The following NOX4 variants were observed in gnomAD, a reference collection of about 807,000 sequenced individuals.
NOX4 encodes the protein NADPH oxidase 4.
NOX4 carries 69 observed loss-of-function variants against 87.6 expected under a neutral mutation model. That is an observed-to-expected ratio of 0.79 (90% CI 0.65 to 0.96). The LOEUF (loss-of-function observed/expected upper bound fraction) is 0.96. Ranked by LOEUF, NOX4 falls within the 40% of genes least tolerant of loss-of-function variation. The pLI is 0.00. For synonymous variants in NOX4, 275 were observed against 238.2 expected (o/e 1.15, Z -1.42); for missense variants, 680 against 681.5 (o/e 1.00, Z 0.02).
At chr11:89,398,231 A>G (rs1183222103) in intron 11 of NOX4, among the ~76,000 whole-genome samples, 2 of 152,150 alleles carry the variant, frequency 1.3e-5, no homozygotes, top group African/African-American at 2.4e-5. Context: ...GATTATCTCA[A>G]TAGATGCAGA....
chr11:89,558,511 T>G, the NOX4 span, among the ~76,000 whole-genome samples: 2 of 152,060 alleles, frequency 1.3e-5, no homozygotes, highest in South Asian at 4.1e-4. Flanking sequence ...ATATAGGTGT[T>G]TAATTAAAGC....
upstream of NOX4, among the ~76,000 whole-genome samples, chr11:89,493,719 G>GTTTTT (rs141832218): frequency 1.3e-3 from 172 of 132,170 alleles, no homozygotes; most frequent in African/African-American, 4.5e-3. Flanking sequence ...AAGCCAGATT[G>GTTTTT]TTTTATTATT....
chr11:89,564,188 C>T, the NOX4 span, among the ~76,000 whole-genome samples: 1 of 152,156 alleles, frequency 6.6e-6, no homozygotes, highest in East Asian at 1.9e-4. Flanking sequence ...TCTCACAATG[C>T]TATAAAGAAC....
At chr11:89,504,221 T>C in the NOX4 span, among the ~76,000 whole-genome samples, 1,189 of 151,878 alleles carry the variant, frequency 7.8e-3, 18 homozygotes, top group Middle Eastern at 0.02. Flanking sequence ...CCCAATTAAG[T>C]TGCTGAAAGC....
At chr11:89,362,444 C>T (rs1308550791) in intron 12 of NOX4, among the ~76,000 whole-genome samples, 1 of 152,060 alleles carries the variant, frequency 6.6e-6, no homozygotes, top group Non-Finnish European at 1.5e-5. Flanking sequence ...GCCATGCTGT[C>T]CAGTATCTTG....
At chr11:89,534,051 C>T in the NOX4 span, 1 of 152,196 alleles carries the variant, frequency 6.6e-6, no homozygotes, top group Admixed American at 6.5e-5. Flanking sequence ...CCACTTACTC[C>T]AAGTCTCAAA....
chr11:89,373,524 A>G (rs1257527716), intron 11 of NOX4, 32 bp from the exon 12 acceptor site: 1 of 1,264,214 alleles, frequency 7.9e-7, no homozygotes, highest in African/African-American at 1.5e-5. Flanking sequence ...AATTGTGATT[A>G]ATAATTACAT....
the NOX4 span, among the ~76,000 whole-genome samples, chr11:89,542,623 A>C: frequency 1.3e-5 from 2 of 152,156 alleles, no homozygotes; most frequent in Non-Finnish European, 2.9e-5. Context: ...GAACTAGTCC[A>C]TGTTTCATAG....
intron 13 of NOX4, among the ~76,000 whole-genome samples, chr11:89,354,123 G>A (rs938694978): frequency 6.6e-6 from 1 of 152,174 alleles, no homozygotes; most frequent in Admixed American, 6.5e-5. Flanking sequence ...AGCGATGAAA[G>A]AATTTGGCAT....
At chr11:89,357,477 AC>A (rs1938158250) in intron 12 of NOX4, among the ~76,000 whole-genome samples, 1 of 152,152 alleles carries the variant, frequency 6.6e-6, no homozygotes, top group African/African-American at 2.4e-5. Context: ...ATGATAAATA[AC>A]CCTTGGTTTT....
chr11:89,579,787 G>T, the NOX4 span, among the ~76,000 whole-genome samples: 5 of 151,994 alleles, frequency 3.3e-5, no homozygotes, highest in African/African-American at 1.2e-4. Flanking sequence ...TAAAACAAAA[G>T]CTGCTTTAAG....
chr11:89,438,257 TATATATA>T (rs1430956810), intron 6 of NOX4, among the ~76,000 whole-genome samples: 1 of 137,704 alleles, frequency 7.3e-6, no homozygotes, highest in Admixed American at 8.2e-5. Flanking sequence ...ATATTATTAT[TATATATA>T]ATATATAATA....
At chr11:89,559,110 A>T in the NOX4 span, among the ~76,000 whole-genome samples, 1 of 152,090 alleles carries the variant, frequency 6.6e-6, no homozygotes, top group East Asian at 1.9e-4. Flanking sequence ...ATATTTATTA[A>T]GTGCCTGTCA....
intron 6 of NOX4, among the ~76,000 whole-genome samples, chr11:89,439,381 G>C (rs1447595317): frequency 6.6e-6 from 1 of 151,974 alleles, no homozygotes; most frequent in Non-Finnish European, 1.5e-5. Flanking sequence ...TGTTCCTAAA[G>C]AGAAAACTGT....
chr11:89,492,723 G>A (rs532266022), upstream of NOX4, among the ~76,000 whole-genome samples: 1 of 152,234 alleles, frequency 6.6e-6, no homozygotes, highest in African/African-American at 2.4e-5. Context: ...TAAAGGATCA[G>A]GGAAAGAGCA....
chr11:89,552,523 A>T, the NOX4 span, among the ~76,000 whole-genome samples: 193 of 152,082 alleles, frequency 1.3e-3, 1 homozygote, highest in African/African-American at 4.4e-3. Flanking sequence ...AGATCTGCCC[A>T]CTCCCATTTG....
intron 3 of NOX4, 137 bp downstream of exon 3, chr11:89,451,648 G>T: frequency 1.6e-6 from 1 of 617,498 alleles, no homozygotes; most frequent in Non-Finnish European, 3.0e-6. Context: ...ATCTTGGCAG[G>T]TGACATGTCT....
At chr11:89,538,078 T>C in the NOX4 span, among the ~76,000 whole-genome samples, 9 of 152,230 alleles carry the variant, frequency 5.9e-5, no homozygotes, top group Non-Finnish European at 1.5e-5. Flanking sequence ...TGTCTTGTTT[T>C]GTTTTAACAA....
At chr11:89,500,376 G>T (rs491393), upstream of NOX4, among the ~76,000 whole-genome samples, 101,259 of 151,950 alleles carry the variant, frequency 0.67, 35,286 homozygotes, top group Non-Finnish European at 0.81. Flanking sequence ...ATATGGTGAT[G>T]CAATTATTTG....
Sources: gnomAD v4.1 joint callset for allele counts (sites outside exome capture counted in the v4.1 genomes callset) on GRCh38, gnomAD v4.1.1 for gene constraint, MANE v1.5 for transcripts, NCBI Gene and HGNC (gene_info 2026-07-23, HGNC 2026-07-21) for gene names.